Variants in LRP1B observed in about 807,000 individuals in gnomAD.
LRP1B encodes LDL receptor related protein 1B.
LRP1B carries 217 observed loss-of-function variants against 556.6 expected under a neutral mutation model. The ratio of observed to expected loss-of-function variants is 0.39; its 90% CI spans 0.35 to 0.44. The LOEUF (loss-of-function observed/expected upper bound fraction) is 0.44. LRP1B is among the 20% of genes least tolerant of loss of function. The probability of loss-of-function intolerance (pLI) is 1.00; values close to 1 mark genes in which losing one functional copy is unlikely to be tolerated. For missense variants in LRP1B, 5,053 were observed against 5,620.8 expected, an observed-to-expected ratio of 0.90 and a Z score of 3.23; for synonymous variants, 2,047 against 1,865.8, an observed-to-expected ratio of 1.10 and a Z score of -2.50.
intron 2 of LRP1B, among the ~76,000 whole-genome samples, chr2:141,557,161 C>T (rs1230181400): frequency 6.6e-6 from 1 of 151,744 alleles, no homozygotes; most frequent in Non-Finnish European, 1.5e-5. Context: ...AGGTTTTATT[C>T]TGTTCTCAAC....
chr2:141,859,401 G>A (rs1012768387), intron 1 of LRP1B, among the ~76,000 whole-genome samples: 1 of 152,054 alleles, frequency 6.6e-6, no homozygotes, highest in South Asian at 2.1e-4. Flanking sequence ...GACAAGTCAA[G>A]TTTAAATATT....
chr2:140,607,602 A>G (rs10153880), intron 41 of LRP1B, among the ~76,000 whole-genome samples: 34,569 of 151,262 alleles, frequency 0.23, 4,226 homozygotes, highest in Admixed American at 0.3. Flanking sequence ...ACTGAAGCAC[A>G]CATATATGCT....
intron 2 of LRP1B, among the ~76,000 whole-genome samples, chr2:141,523,750 G>C (rs10168866): frequency 0.035 from 5,256 of 151,962 alleles, 155 homozygotes; most frequent in South Asian, 0.12. Context: ...GCCCAGAAAA[G>C]CAGAAGGACA....
intron 1 of LRP1B, among the ~76,000 whole-genome samples, chr2:141,984,787 A>C (rs1417880261): frequency 6.6e-6 from 1 of 152,150 alleles, no homozygotes; most frequent in Non-Finnish European, 1.5e-5. Flanking sequence ...AAAATCCAGT[A>C]TTTAATTTAT....
chr2:140,327,181 C>A (rs547464488), intron 79 of LRP1B, among the ~76,000 whole-genome samples: 33 of 152,224 alleles, frequency 2.2e-4, no homozygotes, highest in African/African-American at 6.7e-4. Context: ...AATGGCAACG[C>A]AACTGAATGA....
chr2:140,577,507 C>A (rs1292783260), intron 43 of LRP1B, among the ~76,000 whole-genome samples: 1 of 151,794 alleles, frequency 6.6e-6, no homozygotes, highest in Non-Finnish European at 1.5e-5. Context: ...GCCTCAAACT[C>A]CTGGGCTCAA....
intron 18 of LRP1B, among the ~76,000 whole-genome samples, chr2:140,955,041 C>T (rs1233423592): frequency 6.6e-6 from 1 of 151,914 alleles, no homozygotes; most frequent in Non-Finnish European, 1.5e-5. Flanking sequence ...TGGTTTCAGA[C>T]TTCTGGTTTA....
chr2:140,407,676 T>C (rs1412567566), intron 66 of LRP1B, among the ~76,000 whole-genome samples: 2 of 151,886 alleles, frequency 1.3e-5, no homozygotes, highest in Non-Finnish European at 2.9e-5. Flanking sequence ...AGTCAAAAAA[T>C]AGTACATGTT....
intron 2 of LRP1B, among the ~76,000 whole-genome samples, chr2:141,749,151 T>C (rs1694017901): frequency 6.6e-6 from 1 of 152,214 alleles, no homozygotes. Flanking sequence ...GAAAGAATTA[T>C]ATTTTTATTC....
intron 2 of LRP1B, among the ~76,000 whole-genome samples, chr2:141,487,936 A>G (rs904955147): frequency 6.6e-6 from 1 of 152,208 alleles, no homozygotes; most frequent in Non-Finnish European, 1.5e-5. Flanking sequence ...CATTTGAAAA[A>G]TAGGGATTAA....
At chr2:142,066,423 G>T (rs1178489151) in intron 1 of LRP1B, among the ~76,000 whole-genome samples, 1 of 151,434 alleles carries the variant, frequency 6.6e-6, no homozygotes, top group East Asian at 1.9e-4. Flanking sequence ...TATAAGTTCT[G>T]CTCTCCTCAT....
At chr2:141,197,946 T>C (rs572008413) in intron 6 of LRP1B, among the ~76,000 whole-genome samples, 3 of 152,268 alleles carry the variant, frequency 2.0e-5, no homozygotes, top group East Asian at 1.9e-4. Flanking sequence ...TCTGTTCTTG[T>C]ATATTATGAA....
At chr2:140,968,955 T>C (rs1159418210) in intron 18 of LRP1B, among the ~76,000 whole-genome samples, 1 of 152,204 alleles carries the variant, frequency 6.6e-6, no homozygotes, top group Non-Finnish European at 1.5e-5. Flanking sequence ...TCCAACTATG[T>C]GGTCAGTTTT....
intron 2 of LRP1B, among the ~76,000 whole-genome samples, chr2:141,740,324 A>T (rs912266603): frequency 6.6e-6 from 1 of 152,204 alleles, no homozygotes. Context: ...ACTTTAGTCT[A>T]ATCAGTGTAA....
intron 20 of LRP1B, among the ~76,000 whole-genome samples, chr2:140,924,850 A>T (rs1194244607): frequency 1.3e-5 from 2 of 152,130 alleles, no homozygotes; most frequent in Non-Finnish European, 2.9e-5. Flanking sequence ...AAGTCTGTGC[A>T]CAAGGGGGAG....
At chr2:141,224,033 G>C (rs1241241211) in intron 6 of LRP1B, among the ~76,000 whole-genome samples, 1 of 152,130 alleles carries the variant, frequency 6.6e-6, no homozygotes, top group African/African-American at 2.4e-5. Flanking sequence ...ATTGACGAAT[G>C]AGATCTAATT....
intron 1 of LRP1B, among the ~76,000 whole-genome samples, chr2:141,966,316 A>C (rs1000464432): frequency 6.6e-6 from 1 of 152,008 alleles, no homozygotes; most frequent in African/African-American, 2.4e-5. Flanking sequence ...GGAGTGTTAA[A>C]ATGTTGTGAA....
intron 7 of LRP1B, among the ~76,000 whole-genome samples, chr2:141,119,726 G>C (rs1170292973): frequency 6.6e-6 from 1 of 151,606 alleles, no homozygotes; most frequent in Admixed American, 6.6e-5. Flanking sequence ...TTGTGTGTGT[G>C]TGTGTGTGTG....
At chr2:140,629,495 T>C (rs946151161) in intron 41 of LRP1B, among the ~76,000 whole-genome samples, 1 of 149,234 alleles carries the variant, frequency 6.7e-6, no homozygotes, top group Non-Finnish European at 1.5e-5. Context: ...TGTATTCAAA[T>C]GTCAAATGCT....
Sources: allele counts gnomAD v4.1 joint callset (sites outside exome capture counted in the v4.1 genomes callset), GRCh38; gene constraint gnomAD v4.1.1; transcripts MANE v1.5; gene names NCBI Gene and HGNC (gene_info 2026-07-23, HGNC 2026-07-21).